Variants in HIP1 observed in about 807,000 individuals in gnomAD.
The protein encoded by HIP1 is huntingtin interacting protein 1, also known as huntingtin-interacting protein 1.
Under a neutral mutation model 147.6 loss-of-function variants are expected in HIP1, and 65 were observed. The observed-to-expected ratio is 0.44, with a 90% CI of 0.36 to 0.54. HIP1 has a LOEUF of 0.54. HIP1 is among the 20% of genes least tolerant of loss of function. The probability of loss-of-function intolerance (pLI) is 0.00; values close to 1 mark genes in which losing one functional copy is unlikely to be tolerated. For missense variants in HIP1, 1,061 were observed against 1,299.6 expected, an observed-to-expected ratio of 0.82 and a Z score of 2.82; for synonymous variants, 479 against 504.0, an observed-to-expected ratio of 0.95 and a Z score of 0.67.
chr7:75,645,056 G>C (rs1337416806), intron 1 of HIP1, among the ~76,000 whole-genome samples: 1 of 152,158 alleles, frequency 6.6e-6, no homozygotes, highest in Non-Finnish European at 1.5e-5. Flanking sequence ...AAGGTGCAGC[G>C]TCACTCAGGA....
rs139470529 is a variant in HIP1 at position 75,624,814 on chromosome 7, C to T, written c.121-25567G>A. On this transcript the variant is annotated intron_variant, in intron 1 of 30. Coordinates refer to ENST00000336926, the MANE Select transcript of HIP1 (RefSeq NM_005338.7). Reference sequence around the variant, plus strand: ...CCAAGATTAACTACCCTGCCAAAACCATCTCCATTTATTTAAGTTCCATCA... The same window carrying T: ...CCAAGATTAACTACCCTGCCAAAACTATCTCCATTTATTTAAGTTCCATCA... Among the ~76,000 whole-genome samples, 530 of 152,290 alleles carry T rather than the reference C, an allele frequency of 3.5e-3. 1 individual carries two copies. Among genetic ancestry groups the T allele is most frequent in the African/African-American group, 0.012 (501 of 41,556 alleles).
intron 1 of HIP1, among the ~76,000 whole-genome samples, chr7:75,703,783 T>TA (rs1800910493): frequency 6.6e-6 from 1 of 152,162 alleles, no homozygotes; most frequent in Non-Finnish European, 1.5e-5. Flanking sequence ...CACATCCTAC[T>TA]AAAAACCTTC....
intron 4 of HIP1, among the ~76,000 whole-genome samples, chr7:75,590,893 C>T (rs909085514): frequency 6.2e-4 from 95 of 152,256 alleles, no homozygotes; most frequent in African/African-American, 2.1e-3. Flanking sequence ...TGTGTTTCCT[C>T]ACCTATGATA....
intron 1 of HIP1, among the ~76,000 whole-genome samples, chr7:75,692,513 C>G (rs994836147): frequency 9.9e-5 from 15 of 151,996 alleles, no homozygotes; most frequent in Non-Finnish European, 8.8e-5. Flanking sequence ...CTCTGCCCCC[C>G]AGGTTCAGAC....
intron 1 of HIP1, among the ~76,000 whole-genome samples, chr7:75,696,946 G>T (rs1187157097): frequency 6.6e-6 from 1 of 151,176 alleles, no homozygotes; most frequent in Non-Finnish European, 1.5e-5. Flanking sequence ...ACAACTCACA[G>T]GTCCTCCCCC....
At chr7:75,716,836 A>G (rs374948961) in intron 1 of HIP1, among the ~76,000 whole-genome samples, 13,416 of 148,418 alleles carry the variant, frequency 0.09, 992 homozygotes, top group African/African-American at 0.2. Context: ...AGGGGGGGGG[A>G]AAGGATCTCA....
chr7:75,581,614 A>G (rs1046507102), intron 6 of HIP1, among the ~76,000 whole-genome samples: 16 of 152,138 alleles, frequency 1.1e-4, no homozygotes, highest in Non-Finnish European at 2.2e-4. Context: ...CCCCATCTCT[A>G]CTAAAAATAT....
chr7:75,608,125 T>A (rs1016749952), intron 1 of HIP1, among the ~76,000 whole-genome samples: 3 of 152,096 alleles, frequency 2.0e-5, no homozygotes, highest in African/African-American at 7.2e-5. Flanking sequence ...GCCAAGATGG[T>A]GAAACCTCGT....
chr7:75,693,072 C>A (rs200102013), intron 1 of HIP1, among the ~76,000 whole-genome samples: 1 of 150,874 alleles, frequency 6.6e-6, no homozygotes, highest in East Asian at 2.0e-4. Flanking sequence ...GGCTGAGGCA[C>A]GAGAATCACT....
intron 14 of HIP1, among the ~76,000 whole-genome samples, chr7:75,559,147 C>A (rs1554494013): frequency 6.6e-6 from 1 of 152,198 alleles, no homozygotes; most frequent in East Asian, 1.9e-4. Context: ...AGAGACAAGG[C>A]TCTCTGTTGC....
At chr7:75,590,557 T>C (rs1174183204) in intron 4 of HIP1, among the ~76,000 whole-genome samples, 3 of 152,018 alleles carry the variant, frequency 2.0e-5, no homozygotes, top group African/African-American at 4.8e-5. Flanking sequence ...CCACGTAGCA[T>C]AATAAATGTA....
At position 75,556,124 on chromosome 7, in the gene HIP1, G is replaced by A. The variant is rs782471782; in HGVS notation, c.1729C>T (p.Arg577Trp). The A allele has an allele frequency of 1.1e-5, 17 of 1,613,984 alleles. No individual in the cohort carries two copies. Among genetic ancestry groups the A allele is most frequent in the Non-Finnish European group, 1.4e-5 (16 of 1,180,028 alleles). ...GCTGCGCCACTCACCAGGCTGTCCCGCTCCTTCTCTAGCTCGGCGAACTCG... is the reference window on the plus strand; with the variant it reads ...GCTGCGCCACTCACCAGGCTGTCCCACTCCTTCTCTAGCTCGGCGAACTCG... ...AAEFAELEKE[R>W]DSLVSGAAHR... The change falls in exon 18 of 31, where the codon CGG becomes TGG. Residue 577 changes from arginine to tryptophan, a missense_variant. By Grantham distance (101) the Arg-to-Trp change is moderately radical. Coordinates refer to ENST00000336926, the MANE Select transcript of HIP1 (RefSeq NM_005338.7).
intron 8 of HIP1, 82 bp downstream of exon 8, chr7:75,573,679 C>T (rs1299137083): frequency 1.2e-5 from 17 of 1,409,046 alleles, no homozygotes; most frequent in African/African-American, 5.7e-5. Context: ...AGAAGGACTG[C>T]GTTTCTCTGG....
intron 1 of HIP1, among the ~76,000 whole-genome samples, chr7:75,711,815 A>C (rs1554520156): frequency 6.6e-6 from 1 of 152,006 alleles, no homozygotes; most frequent in Non-Finnish European, 1.5e-5. Flanking sequence ...ATCCCTTATC[A>C]CCTGCTGCTT....
intron 1 of HIP1, among the ~76,000 whole-genome samples, chr7:75,691,784 G>A (rs113691659): frequency 0.071 from 10,840 of 151,924 alleles, 588 homozygotes; most frequent in African/African-American, 0.15. Context: ...GCAAAACTCC[G>A]TCTCAAAAAA....
chr7:75,657,807 T>G (rs2117204049), intron 1 of HIP1, among the ~76,000 whole-genome samples: 1 of 152,152 alleles, frequency 6.6e-6, no homozygotes, highest in South Asian at 2.1e-4. Flanking sequence ...ATATGGGCGA[T>G]GGGATCATTT....
chr7:75,693,373 C>A (rs1396719613), intron 1 of HIP1, among the ~76,000 whole-genome samples: 2 of 152,060 alleles, frequency 1.3e-5, no homozygotes, highest in African/African-American at 2.4e-5. Flanking sequence ...CGCCTGGTTT[C>A]CAGGAGGCAC....
At chr7:75,714,318 C>T (rs1261305577) in intron 1 of HIP1, among the ~76,000 whole-genome samples, 4 of 151,940 alleles carry the variant, frequency 2.6e-5, no homozygotes, top group East Asian at 2.0e-4. Context: ...GGATGACAGG[C>T]GTGAGCCGCC....
intron 25 of HIP1, among the ~76,000 whole-genome samples, chr7:75,546,436 G>C (rs1411248252): frequency 6.6e-6 from 1 of 152,160 alleles, no homozygotes; most frequent in African/African-American, 2.4e-5. Context: ...CCCGAGCTGC[G>C]GCGGCATATG....
Sources: gnomAD v4.1 joint callset for allele counts (sites outside exome capture counted in the v4.1 genomes callset) on GRCh38, gnomAD v4.1.1 for gene constraint, MANE v1.5 for transcripts, NCBI Gene and HGNC (gene_info 2026-07-23, HGNC 2026-07-21) for gene names.